The following ATG10 variants were observed in gnomAD, a reference collection of about 807,000 sequenced individuals.
ATG10 encodes the protein ubiquitin-like-conjugating enzyme ATG10.
In ATG10, 30 loss-of-function variants were observed where a neutral mutation model predicts 32.1. That is an observed-to-expected ratio of 0.94 (90% CI 0.70 to 1.27). ATG10 has a LOEUF of 1.27. Among genes scored for constraint, ATG10 ranks in the 50% most tolerant of loss-of-function variants. ATG10 has a pLI of 0.00. For missense variants in ATG10, 233 were observed against 262.3 expected (o/e 0.89, Z 0.77); for synonymous variants, 87 against 91.5 (o/e 0.95, Z 0.28).
intron 3 of ATG10, among the ~76,000 whole-genome samples, chr5:82,139,737 C>A: frequency 7.1e-6 from 1 of 139,950 alleles, no homozygotes; most frequent in African/African-American, 2.7e-5. Context: ...CCTGCCCGGC[C>A]AGCCGCCCCG....
chr5:82,026,434 T>C (rs1211794246), intron 2 of ATG10, among the ~76,000 whole-genome samples: 5 of 152,222 alleles, frequency 3.3e-5, no homozygotes, highest in Non-Finnish European at 7.3e-5. Flanking sequence ...TTAATGCATG[T>C]ACAATATTTG....
At chr5:82,070,168 A>G (rs979531394) in intron 3 of ATG10, among the ~76,000 whole-genome samples, 8 of 152,170 alleles carry the variant, frequency 5.3e-5, no homozygotes, top group East Asian at 1.9e-4. Flanking sequence ...CAAGTTGGCA[A>G]TGGCACCTAA....
At chr5:82,063,643 T>C in intron 3 of ATG10, among the ~76,000 whole-genome samples, 1 of 151,800 alleles carries the variant, frequency 6.6e-6, no homozygotes, top group Non-Finnish European at 1.5e-5. Flanking sequence ...CAGGCACCCA[T>C]CATCATGCCT....
intron 2 of ATG10, among the ~76,000 whole-genome samples, chr5:82,033,890 T>C (rs1762819304): frequency 6.7e-6 from 1 of 150,048 alleles, no homozygotes; most frequent in African/African-American, 2.4e-5. Flanking sequence ...AACATATTTA[T>C]AGATGTATAT....
chr5:82,007,786 C>T (rs1164867794), intron 2 of ATG10, among the ~76,000 whole-genome samples: 1 of 152,024 alleles, frequency 6.6e-6, no homozygotes, highest in Non-Finnish European at 1.5e-5. Context: ...AATTACTTTA[C>T]TTTGCCTACC....
At chr5:82,017,915 C>T (rs1444901963) in intron 2 of ATG10, among the ~76,000 whole-genome samples, 1 of 151,736 alleles carries the variant, frequency 6.6e-6, no homozygotes, top group Non-Finnish European at 1.5e-5. Flanking sequence ...TTATTTTTTC[C>T]CCACAGTCTC....
chr5:82,022,642 T>G (rs1762476140), intron 2 of ATG10, among the ~76,000 whole-genome samples: 1 of 151,560 alleles, frequency 6.6e-6, no homozygotes, highest in African/African-American at 2.4e-5. Flanking sequence ...TTTTTTTTTT[T>G]TTTTTAAAGA....
intron 3 of ATG10, among the ~76,000 whole-genome samples, chr5:82,067,858 T>C (rs1052171548): frequency 6.6e-6 from 1 of 152,172 alleles, no homozygotes; most frequent in Non-Finnish European, 1.5e-5. Flanking sequence ...ATCAGAAAGT[T>C]TTCTTTACAT....
chr5:82,041,755 T>A (rs1275412593), intron 2 of ATG10, among the ~76,000 whole-genome samples: 1 of 152,132 alleles, frequency 6.6e-6, no homozygotes, highest in Non-Finnish European at 1.5e-5. Flanking sequence ...CATGTTTTTT[T>A]AGGCCACTTA....
intron 1 of ATG10, among the ~76,000 whole-genome samples, chr5:81,978,563 A>G (rs185418937): frequency 4.6e-4 from 70 of 152,194 alleles, no homozygotes; most frequent in Admixed American, 1.2e-3. Flanking sequence ...ATTTTTTCTT[A>G]TGTGCTTGCA....
intron 3 of ATG10, among the ~76,000 whole-genome samples, chr5:82,148,943 A>AT (rs1485680589): frequency 1.3e-5 from 2 of 151,632 alleles, no homozygotes; most frequent in Non-Finnish European, 2.9e-5. Context: ...ATTTCTCAAG[A>AT]TTTTTCTCTG....
intron 3 of ATG10, among the ~76,000 whole-genome samples, chr5:82,151,608 T>C (rs1767596094): frequency 6.8e-6 from 1 of 146,846 alleles, no homozygotes; most frequent in African/African-American, 2.5e-5. Context: ...AAAAGTTTCC[T>C]GCAAAGAATC....
At chr5:82,001,484 G>T (rs1477365489) in intron 2 of ATG10, among the ~76,000 whole-genome samples, 1 of 152,056 alleles carries the variant, frequency 6.6e-6, no homozygotes, top group Non-Finnish European at 1.5e-5. Context: ...GGAGAACCCA[G>T]AAACAAGGCC....
At position 82,128,363 on chromosome 5, in the gene ATG10, A is replaced by C. The variant is rs142966542; in HGVS notation, c.217-36036A>C. 2.0e-4 allele frequency among the ~76,000 whole-genome samples: 31 copies of C among 152,124 alleles called. 2 individuals carry two copies. The East Asian group carries it at 5.9e-3, about 29-fold the overall frequency. Reference sequence around the variant, plus strand: ...AGCTGGTTATTTTGCCAGTTAGTTAATGCAGTTTCTTCATAGTGTTGATGG... The same window carrying C: ...AGCTGGTTATTTTGCCAGTTAGTTACTGCAGTTTCTTCATAGTGTTGATGG... On this transcript the variant is annotated intron_variant, in intron 3 of 7. Transcript: ENST00000282185.
chr5:82,032,489 C>T (rs1040533143), intron 2 of ATG10, among the ~76,000 whole-genome samples: 5 of 151,954 alleles, frequency 3.3e-5, no homozygotes, highest in Non-Finnish European at 7.4e-5. Flanking sequence ...TTTTACTGTT[C>T]TTTTTCCTCT....
intron 5 of ATG10, among the ~76,000 whole-genome samples, chr5:82,227,450 C>T (rs1746178506): frequency 6.6e-6 from 1 of 152,128 alleles, no homozygotes; most frequent in African/African-American, 2.4e-5. Flanking sequence ...TCTTGGCTTA[C>T]TGCAACCTCC....
chr5:82,151,192 A>G (rs1368876553), intron 3 of ATG10, among the ~76,000 whole-genome samples: 1 of 152,220 alleles, frequency 6.6e-6, no homozygotes, highest in Non-Finnish European at 1.5e-5. Flanking sequence ...GGCTCTACTA[A>G]TATTTAACTT....
At chr5:82,037,432 A>C (rs1423333922) in intron 2 of ATG10, among the ~76,000 whole-genome samples, 4 of 148,630 alleles carry the variant, frequency 2.7e-5, no homozygotes, top group Non-Finnish European at 4.5e-5. Context: ...TATTTTTAGT[A>C]GAGACGGGGT....
chr5:82,133,106 G>A (rs1388132297), intron 3 of ATG10, among the ~76,000 whole-genome samples: 2 of 152,100 alleles, frequency 1.3e-5, no homozygotes, highest in African/African-American at 2.4e-5. Flanking sequence ...TTGTAAATTT[G>A]TTTAAGTTCT....
Sources: allele counts gnomAD v4.1 joint callset (sites outside exome capture counted in the v4.1 genomes callset), GRCh38; gene constraint gnomAD v4.1.1; transcripts MANE v1.5; gene names NCBI Gene and HGNC (gene_info 2026-07-23, HGNC 2026-07-21).